The following CABIN1 variants were observed in gnomAD, a reference collection of about 807,000 sequenced individuals.
CABIN1 encodes the protein calcineurin-binding protein cabin-1.
Under a neutral mutation model 227.7 loss-of-function variants are expected in CABIN1, and 133 were observed. That is an observed-to-expected ratio of 0.58 (90% CI 0.51 to 0.67). CABIN1 has a LOEUF of 0.67. Among genes scored for constraint, CABIN1 ranks in the 30% least tolerant of loss-of-function variants. The pLI is 0.00. For synonymous variants in CABIN1, 1,086 were observed against 1,155.1 expected (o/e 0.94, Z 1.21); for missense variants, 2,408 against 2,852.5 (o/e 0.84, Z 3.55).
chr22:24,110,587 A>T (rs2042753855), intron 26 of CABIN1, among the ~76,000 whole-genome samples: 1 of 152,168 alleles, frequency 6.6e-6, no homozygotes, highest in South Asian at 2.1e-4. Flanking sequence ...TGTAACTCAG[A>T]TCTGCTGGTA....
At chr22:24,068,555 A>C (rs1233071547) in intron 16 of CABIN1, among the ~76,000 whole-genome samples, 1 of 152,232 alleles carries the variant, frequency 6.6e-6, no homozygotes, top group African/African-American at 2.4e-5. Flanking sequence ...TTGAGGTCGG[A>C]GCCGAATGCT....
At chr22:24,150,766 A>G (rs1022000784) in intron 29 of CABIN1, among the ~76,000 whole-genome samples, 1 of 152,210 alleles carries the variant, frequency 6.6e-6, no homozygotes, top group Non-Finnish European at 1.5e-5. Context: ...GTTTGGAGTT[A>G]GACCTAGGCT....
At position 24,056,427 on chromosome 22, in the gene CABIN1, A is replaced by G. The variant is rs539966157; in HGVS notation, c.1262+67A>G. On this transcript the variant is annotated intron_variant, in intron 10 of 36. Coordinates refer to ENST00000263119, the MANE Select transcript of CABIN1 (RefSeq NM_012295.4). ...AGCTCCAGCATACACCATCAGTAACATTTCTCATTCCATTGCCACCCTCTT... is the reference window on the plus strand; with the variant it reads ...AGCTCCAGCATACACCATCAGTAACGTTTCTCATTCCATTGCCACCCTCTT... The G allele has an allele frequency of 3.3e-6, 5 of 1,503,736 alleles. No individual in the cohort carries two copies. In the East Asian group the frequency reaches 6.8e-5, roughly 20 times the overall value. 93.1% of individuals were successfully genotyped at this position (1,503,736 alleles called of 1,614,324 possible). A position where few individuals can be genotyped will look rare whatever the true frequency, so the allele number is the denominator to read the frequency against.
At chr22:24,060,244 C>A in intron 12 of CABIN1, 103 bp downstream of exon 12, 1 of 1,146,204 alleles carries the variant, frequency 8.7e-7, no homozygotes, top group Non-Finnish European at 1.3e-6. Context: ...GCTGCATCTA[C>A]TTGTGGGCCT....
intron 29 of CABIN1, among the ~76,000 whole-genome samples, chr22:24,140,879 C>T (rs1404943386): frequency 6.6e-6 from 1 of 152,192 alleles, no homozygotes; most frequent in African/African-American, 2.4e-5. Flanking sequence ...CCTGCCGCTG[C>T]TCAGGTGGGC....
chr22:24,042,074 C>T (rs2037422063), intron 5 of CABIN1, among the ~76,000 whole-genome samples: 1 of 152,192 alleles, frequency 6.6e-6, no homozygotes, highest in Non-Finnish European at 1.5e-5. Flanking sequence ...ACCTCATGCC[C>T]CCAAGTAGCT....
Position 24,038,350 on chromosome 22 carries a change from A to T in CABIN1, c.99A>T (p.Glu33Asp). 1 of 1,612,542 alleles carries T rather than the reference A, an allele frequency of 6.2e-7. No homozygotes were observed. Among genetic ancestry groups the T allele is most frequent in the Non-Finnish European group, 8.5e-7 (1 of 1,178,536 alleles). Residue 33 changes from glutamate to aspartate, a missense_variant and splice_region_variant, in exon 4 of 37, where the codon GAA (glutamate) becomes GAT (aspartate). This residue lies in a region of CABIN1 where 1,045 missense variants were observed against 1,168.4 expected (regional missense o/e 0.89). Transcript: ENST00000263119. ...ACATCTCTTGTCTTGATTTGCAGGA[A>T]GCAGAGGCTTTTGCATTGTACCACA... ...SHKTQTKEAQ[E>D]AEAFALYHKA...
At chr22:24,048,596 T>C (rs750060285) in intron 6 of CABIN1, among the ~76,000 whole-genome samples, 2 of 152,146 alleles carry the variant, frequency 1.3e-5, no homozygotes, top group Non-Finnish European at 2.9e-5. Context: ...AATTTTTGTA[T>C]TTTTTGTAGA....
At chr22:24,071,163 T>C in intron 17 of CABIN1, 121 bp downstream of exon 17, 1 of 1,385,150 alleles carries the variant, frequency 7.2e-7, no homozygotes, top group Non-Finnish European at 1.0e-6. Flanking sequence ...ACATGATGGC[T>C]TCTTTGGTTG....
intron 1 of CABIN1, among the ~76,000 whole-genome samples, chr22:24,025,994 C>T (rs1422895428): frequency 1.3e-5 from 2 of 152,178 alleles, no homozygotes; most frequent in African/African-American, 4.8e-5. Flanking sequence ...CCTCCACGCC[C>T]AGCTAATTTT....
rs1363625951 is a variant in CABIN1 at position 24,055,075 on chromosome 22, G to A, written c.1009G>A (p.Glu337Lys). ...VSTNPAVAVA[E>K]PVVSYTSVAT... is the part of the protein sequence containing the mutation. ...CACCAACCCAGCTGTGGCTGTCGCC[G>A]AGCCTGTGGTCTCCTACACCTCTGT... The change falls in exon 9 of 37, where the codon GAG (glutamate) becomes AAG (lysine). Residue 337 changes from glutamate (E) to lysine (K), a missense_variant. Glu to Lys is a moderately conservative substitution (Grantham distance 56). Around this residue, in one of 3 missense-constraint regions of CABIN1, gnomAD observed 1,045 missense variants for 1,168.4 expected, o/e 0.89. Transcript: ENST00000263119. 7.4e-6 allele frequency: 12 copies of A among 1,614,136 alleles called. No homozygotes were observed. The highest frequency in any genetic ancestry group is 3.3e-5 in the Admixed American group (2 of 60,016).
At chr22:24,121,457 G>A (rs979609251) in intron 28 of CABIN1, among the ~76,000 whole-genome samples, 3 of 152,194 alleles carry the variant, frequency 2.0e-5, no homozygotes, top group South Asian at 4.1e-4. Flanking sequence ...GCTAGCAAAC[G>A]ATGGCCAGCT....
rs755709040 is a variant in CABIN1 at position 24,076,283 on chromosome 22, A to G, written c.2747A>G (p.Tyr916Cys). ...TCAGATGGGGCTCTGCTGCGATTCT[A>G]TGTAAGTGCTTCCCCTTGGGCTGCA... ...CNSDGALLRF[Y>C]VRVLQKELAA... Residue 916 changes from tyrosine (Y) to cysteine (C), a missense_variant and splice_region_variant, in exon 19 of 37, where the codon TAT becomes TGT. By Grantham distance (194) the Tyr-to-Cys change is radical (BLOSUM62 -2). This residue lies in a region of CABIN1 where 1,045 missense variants were observed against 1,168.4 expected (regional missense o/e 0.89). Transcript: ENST00000263119. The G allele has an allele frequency of 5.6e-6, 9 of 1,612,634 alleles. No homozygotes were observed. The highest frequency in any genetic ancestry group is 3.3e-5 in the South Asian group (3 of 91,058).
chr22:24,092,000 C>A (rs1732161977), intron 24 of CABIN1, 157 bp downstream of exon 24: 2 of 824,052 alleles, frequency 2.4e-6, no homozygotes, highest in South Asian at 1.8e-5. Context: ...ATTAAAACAT[C>A]ATTTCCTCTC....
At chr22:24,101,321 G>C (rs1009130637) in intron 26 of CABIN1, among the ~76,000 whole-genome samples, 81 of 152,228 alleles carry the variant, frequency 5.3e-4, no homozygotes, top group African/African-American at 1.9e-3. Context: ...CATGTGGGTT[G>C]TTTGACATTT....
chr22:24,047,766 C>T (rs1175310644), intron 6 of CABIN1, among the ~76,000 whole-genome samples: 2 of 152,252 alleles, frequency 1.3e-5, no homozygotes, highest in Non-Finnish European at 2.9e-5. Flanking sequence ...CTGTGTGTTG[C>T]TTCTCACTCC....
intron 2 of CABIN1, among the ~76,000 whole-genome samples, chr22:24,035,761 G>T (rs1156765452): frequency 6.6e-6 from 1 of 152,098 alleles, no homozygotes; most frequent in East Asian, 1.9e-4. Context: ...GTTGAAATCT[G>T]TTGTTCCATT....
chr22:24,020,847 T>C (rs1793850560), intron 1 of CABIN1, among the ~76,000 whole-genome samples: 2 of 152,136 alleles, frequency 1.3e-5, no homozygotes, highest in Non-Finnish European at 2.9e-5. Flanking sequence ...TGTGTGTGTG[T>C]GTGTGTGTGA....
intron 7 of CABIN1, 109 bp from the exon 8 acceptor site, chr22:24,050,716 A>C (rs1010409929): frequency 7.3e-7 from 1 of 1,371,970 alleles, no homozygotes; most frequent in African/African-American, 1.4e-5. Flanking sequence ...TTATAGGAAG[A>C]AAAATACACA....
Sources: allele counts gnomAD v4.1 joint callset (sites outside exome capture counted in the v4.1 genomes callset), GRCh38; gene constraint gnomAD v4.1.1; regional missense constraint gnomAD v4.1.1; transcripts MANE v1.5; gene names NCBI Gene and HGNC (gene_info 2026-07-23, HGNC 2026-07-21).